Variants in THSD7B observed in about 807,000 individuals in gnomAD.
THSD7B encodes thrombospondin type 1 domain containing 7B.
Under a neutral mutation model 213.6 loss-of-function variants are expected in THSD7B, and 138 were observed. The ratio of observed to expected loss-of-function variants is 0.65; its 90% CI spans 0.56 to 0.74. THSD7B has a LOEUF of 0.74. Among genes scored for constraint, THSD7B ranks in the 30% least tolerant of loss-of-function variants. The pLI is 0.00. For synonymous variants in THSD7B, 742 were observed against 687.0 expected, an observed-to-expected ratio of 1.08 and a Z score of -1.25; for missense variants, 1,931 against 1,991.5, an observed-to-expected ratio of 0.97 and a Z score of 0.58.
At chr2:137,538,354 C>T (rs1023829) in intron 15 of THSD7B, 23,225 of 362,570 alleles carry the variant, frequency 0.064, 854 homozygotes, top group African/African-American at 0.088. Flanking sequence ...GAAAAATAGC[C>T]ATTAATTTTG....
chr2:137,349,570 A>G (rs1341432250), intron 12 of THSD7B, among the ~76,000 whole-genome samples: 1 of 151,844 alleles, frequency 6.6e-6, no homozygotes, highest in Non-Finnish European at 1.5e-5. Context: ...CAGGAGGGCA[A>G]AGCTGTCTGA....
At chr2:136,903,766 A>G (rs1684100954) in intron 2 of THSD7B, among the ~76,000 whole-genome samples, 1 of 152,174 alleles carries the variant, frequency 6.6e-6, no homozygotes, top group Non-Finnish European at 1.5e-5. Flanking sequence ...ACTTGTTAAG[A>G]AAACCCTTTA....
intron 1 of THSD7B, among the ~76,000 whole-genome samples, chr2:136,874,673 T>A (rs1444190490): frequency 6.6e-6 from 1 of 152,246 alleles, no homozygotes; most frequent in Non-Finnish European, 1.5e-5. Flanking sequence ...CACTTTTTTT[T>A]ATAGTCTCAA....
chr2:137,060,222 T>C (rs192631215), intron 3 of THSD7B, among the ~76,000 whole-genome samples: 4 of 152,272 alleles, frequency 2.6e-5, no homozygotes, highest in Admixed American at 2.6e-4. Flanking sequence ...TGTTTTCTTA[T>C]TGTTGAATTT....
At chr2:137,509,228 T>TTTTTC (rs1176410722) in intron 15 of THSD7B, among the ~76,000 whole-genome samples, 23 of 152,044 alleles carry the variant, frequency 1.5e-4, no homozygotes, top group African/African-American at 4.3e-4. Context: ...TTCCTGTCTT[T>TTTTTC]TTTTCTTTTC....
At chr2:136,948,429 C>T (rs59939477) in intron 2 of THSD7B, among the ~76,000 whole-genome samples, 28,498 of 149,290 alleles carry the variant, frequency 0.19, 2,847 homozygotes, top group African/African-American at 0.26. Flanking sequence ...CCATACCTTT[C>T]TTTTTTTCAT....
chr2:137,599,443 C>T (rs1306558525), intron 17 of THSD7B, among the ~76,000 whole-genome samples: 1 of 151,836 alleles, frequency 6.6e-6, no homozygotes, highest in East Asian at 1.9e-4. Context: ...GAGATATCAT[C>T]TCACACCAGT....
intron 6 of THSD7B, among the ~76,000 whole-genome samples, chr2:137,164,421 C>T (rs1366303354): frequency 6.6e-6 from 1 of 152,184 alleles, no homozygotes; most frequent in Admixed American, 6.5e-5. Context: ...AACACTTTTA[C>T]ACTGTTGGTG....
intron 15 of THSD7B, among the ~76,000 whole-genome samples, chr2:137,489,640 CTG>C (rs1688560718): frequency 6.6e-6 from 1 of 152,100 alleles, no homozygotes; most frequent in Non-Finnish European, 1.5e-5. Flanking sequence ...TTGAGTCACT[CTG>C]TAGATGATGT....
At chr2:137,524,002 A>G (rs575335514) in intron 15 of THSD7B, among the ~76,000 whole-genome samples, 5 of 152,186 alleles carry the variant, frequency 3.3e-5, no homozygotes, top group Non-Finnish European at 5.9e-5. Context: ...CCATTAAAAT[A>G]CAAATCAATT....
In THSD7B at chr2:137,161,756, T is replaced by G. The variant is rs183453834; in HGVS notation, c.1525+1388T>G. Among the ~76,000 whole-genome samples the G allele has an allele frequency of 1.3e-3, 205 of 152,312 alleles. 2 individuals carry two copies. The highest frequency in any genetic ancestry group is 4.7e-3 in the African/African-American group (194 of 41,568). On this transcript the variant is annotated intron_variant, in intron 6 of 27. Coordinates refer to ENST00000409968, the MANE Select transcript of THSD7B (RefSeq NM_001316349.2). ...CTTGTGGACACAAATAAGTTTCCAT[T>G]TATACTAATACCTATAGTTTGCAGT...
chr2:137,610,765 T>C (rs968178238), intron 17 of THSD7B, among the ~76,000 whole-genome samples: 1 of 152,124 alleles, frequency 6.6e-6, no homozygotes, highest in Non-Finnish European at 1.5e-5. Flanking sequence ...AATCACATTT[T>C]TTTTTGCTTT....
At position 136,949,541 on chromosome 2, in the gene THSD7B, G is replaced by A. The variant is rs139295692; in HGVS notation, c.139+67224G>A. 1.5e-3 allele frequency among the ~76,000 whole-genome samples: 222 copies of A among 152,286 alleles called. 1 individual carries two copies. Among genetic ancestry groups the A allele is most frequent in the African/African-American group, 4.7e-3 (197 of 41,554 alleles). On this transcript the variant is annotated intron_variant, in intron 2 of 27. Transcript: ENST00000409968. Reference sequence around the variant, plus strand: ...GGTCTGCAGTTTGCTGTTTCCCAGCGTGGTTGCTGCGCTGCCCTGTAATGC... The same window carrying A: ...GGTCTGCAGTTTGCTGTTTCCCAGCATGGTTGCTGCGCTGCCCTGTAATGC...
At chr2:137,248,635 A>G (rs1682096132) in intron 10 of THSD7B, among the ~76,000 whole-genome samples, 1 of 152,040 alleles carries the variant, frequency 6.6e-6, no homozygotes, top group Non-Finnish European at 1.5e-5. Context: ...TTGCCTCTTT[A>G]CTTTCCCCTG....
intron 12 of THSD7B, among the ~76,000 whole-genome samples, chr2:137,335,372 T>A (rs1007175817): frequency 1.3e-5 from 2 of 152,218 alleles, no homozygotes; most frequent in African/African-American, 4.8e-5. Context: ...CTCTATAAAC[T>A]GATTTTCCTC....
At chr2:137,009,054 A>G (rs1162582329) in intron 2 of THSD7B, among the ~76,000 whole-genome samples, 1 of 152,186 alleles carries the variant, frequency 6.6e-6, no homozygotes, top group African/African-American at 2.4e-5. Context: ...TAAATTCACT[A>G]ACTCTTTGAG....
intron 2 of THSD7B, among the ~76,000 whole-genome samples, chr2:136,947,622 G>C (rs1684967507): frequency 6.6e-6 from 1 of 151,972 alleles, no homozygotes; most frequent in African/African-American, 2.4e-5. Context: ...TCTTGCCCCT[G>C]GTCACGTCCC....
At chr2:137,177,789 G>A (rs1372938005) in intron 7 of THSD7B, among the ~76,000 whole-genome samples, 4 of 152,098 alleles carry the variant, frequency 2.6e-5, no homozygotes, top group African/African-American at 9.7e-5. Flanking sequence ...AATAGTATTG[G>A]TCCAGGCACA....
chr2:137,166,962 C>T (rs1680147185), intron 6 of THSD7B, among the ~76,000 whole-genome samples: 1 of 152,004 alleles, frequency 6.6e-6, no homozygotes, highest in Non-Finnish European at 1.5e-5. Context: ...TGGATTTACA[C>T]CAGGCTGTGG....
Sources: gnomAD v4.1 joint callset for allele counts (sites outside exome capture counted in the v4.1 genomes callset) on GRCh38, gnomAD v4.1.1 for gene constraint, MANE v1.5 for transcripts, NCBI Gene and HGNC (gene_info 2026-07-23, HGNC 2026-07-21) for gene names.